The following DPP6 variants were observed in gnomAD, a reference collection of about 807,000 sequenced individuals.
DPP6 encodes the protein A-type potassium channel modulatory protein DPP6.
DPP6 carries 69 observed loss-of-function variants against 122.6 expected under a neutral mutation model. The ratio of observed to expected loss-of-function variants is 0.56; its 90% CI spans 0.46 to 0.69. DPP6 has a LOEUF of 0.69. Ranked by LOEUF, DPP6 falls within the 30% of genes least tolerant of loss-of-function variation. The probability of loss-of-function intolerance (pLI) is 0.00; values close to 1 mark genes in which losing one functional copy is unlikely to be tolerated. For synonymous variants in DPP6, 418 were observed against 433.1 expected, an observed-to-expected ratio of 0.97 and a Z score of 0.43; for missense variants, 928 against 1,116.9, an observed-to-expected ratio of 0.83 and a Z score of 2.41.
the DPP6 span, among the ~76,000 whole-genome samples, chr7:153,755,833 CTT>C: frequency 1.3e-5 from 2 of 152,180 alleles, no homozygotes; most frequent in African/African-American, 4.8e-5. Context: ...CACTCAGTCT[CTT>C]TTTTATTTTC....
At position 154,486,246 on chromosome 7, in the gene DPP6, G is replaced by A. The variant is rs571826094; in HGVS notation, c.457+11209G>A. On this transcript the variant is annotated intron_variant, in intron 3 of 25. Transcript: ENST00000377770. This position sits in a 1 kb window ranked among gnomAD's most constrained non-coding sequence, Gnocchi z 4.5. ...CCTCCCTGATTCAAGCGATTCTTCC[G>A]CTTCAGCCTCCTGAGTAGCTGGGAC... Among the ~76,000 whole-genome samples the A allele has an allele frequency of 9.9e-5, 15 of 151,974 alleles. No individual in the cohort carries two copies. Among genetic ancestry groups the A allele is most frequent in the South Asian group, 8.3e-4 (4 of 4,816 alleles).
intron 1 of DPP6, among the ~76,000 whole-genome samples, chr7:154,284,452 CTGAT>C (rs1351568635): frequency 6.6e-6 from 1 of 152,192 alleles, no homozygotes; most frequent in African/African-American, 2.4e-5. Flanking sequence ...TGTCTATCAA[CTGAT>C]GGATGGATCA....
At chr7:153,998,789 G>C (rs550077872) in intron 1 of DPP6, among the ~76,000 whole-genome samples, 1 of 152,210 alleles carries the variant, frequency 6.6e-6, no homozygotes, top group Non-Finnish European at 1.5e-5. Flanking sequence ...TGTTAGCACT[G>C]TGAAGACATG....
chr7:153,862,855 T>A, the DPP6 span, among the ~76,000 whole-genome samples: 1 of 152,122 alleles, frequency 6.6e-6, no homozygotes, highest in Non-Finnish European at 1.5e-5. Flanking sequence ...CATATAATAC[T>A]ATTTAAAGCA....
At chr7:154,472,412 C>T (rs1822355886) in intron 2 of DPP6, among the ~76,000 whole-genome samples, 1 of 151,722 alleles carries the variant, frequency 6.6e-6, no homozygotes, top group African/African-American at 2.4e-5. Flanking sequence ...TTTCTCTCTC[C>T]TTTATCTTGG....
chr7:154,203,499 C>A (rs1339184409), intron 1 of DPP6, among the ~76,000 whole-genome samples: 2 of 152,194 alleles, frequency 1.3e-5, no homozygotes, highest in African/African-American at 4.8e-5. Flanking sequence ...GGGCTCTGCA[C>A]AGCTGTCACA....
intron 7 of DPP6, among the ~76,000 whole-genome samples, chr7:154,708,904 T>C (rs1840986211): frequency 6.6e-6 from 1 of 151,916 alleles, no homozygotes; most frequent in South Asian, 2.1e-4. Flanking sequence ...AAAAATCAGC[T>C]GGGCATGGTG....
chr7:154,692,346 G>A (rs1198412970), intron 7 of DPP6, among the ~76,000 whole-genome samples: 3 of 152,096 alleles, frequency 2.0e-5, no homozygotes, highest in African/African-American at 7.2e-5. Context: ...CATAATTATT[G>A]GGCAAATCTG....
At chr7:154,009,150 T>C (rs1219077023) in intron 1 of DPP6, among the ~76,000 whole-genome samples, 2 of 73,402 alleles carry the variant, frequency 2.7e-5, no homozygotes, top group African/African-American at 5.7e-5. Flanking sequence ...TTAGTCTTAA[T>C]AGGTTGTGTT....
intron 1 of DPP6, among the ~76,000 whole-genome samples, chr7:154,352,918 T>C (rs1474417431): frequency 3.9e-5 from 6 of 152,274 alleles, no homozygotes; most frequent in African/African-American, 1.2e-4. Context: ...TTTTTACTTA[T>C]TGTTTTAAAA....
intron 1 of DPP6, among the ~76,000 whole-genome samples, chr7:154,201,121 C>T (rs1038973511): frequency 6.6e-6 from 1 of 151,828 alleles, no homozygotes; most frequent in Non-Finnish European, 1.5e-5. Flanking sequence ...AAAGGATTGC[C>T]TTTTTTTGTT....
intron 6 of DPP6, among the ~76,000 whole-genome samples, chr7:154,644,636 A>T (rs1836324241): frequency 6.6e-6 from 1 of 152,062 alleles, no homozygotes; most frequent in Non-Finnish European, 1.5e-5. Flanking sequence ...AAGTTACAGA[A>T]CTAGGATTGT....
intron 1 of DPP6, among the ~76,000 whole-genome samples, chr7:153,893,099 C>T (rs1799274352): frequency 6.6e-6 from 1 of 152,168 alleles, no homozygotes; most frequent in South Asian, 2.1e-4. Context: ...AGGTGATCAG[C>T]ACAGGATGTT....
At position 153,997,037 on chromosome 7, in the gene DPP6, C is replaced by T. The variant is rs1797471698; in HGVS notation, c.51+109303C>T. Among the ~76,000 whole-genome samples the T allele has an allele frequency of 3.3e-5, 5 of 152,198 alleles. No individual in the cohort carries two copies. The South Asian group carries it at 1.0e-3, about 32-fold the overall frequency. On this transcript the variant is annotated intron_variant, in intron 1 of 25. Coordinates refer to the DPP6 transcript ENST00000404039. Reference sequence around the variant, plus strand: ...AAATGGAAAATCTTTATGCCTCTCTCTCTCTCTCTCTCTCCATCCAATGAC... The same window carrying T: ...AAATGGAAAATCTTTATGCCTCTCTTTCTCTCTCTCTCTCCATCCAATGAC...
rs982823256 is a variant in DPP6 at position 154,875,502 on chromosome 7, G to T, written c.1884-404G>T. ...TAGAGTCAGCGCGGCCTTGTCACTT[G>T]TGATGGGTACTGAGAGGTACAGCCT... On this transcript the variant is annotated intron_variant, in intron 19 of 25. Transcript: ENST00000377770. The surrounding 1 kb of genome is among the most constrained non-coding windows in gnomAD (Gnocchi z 4.5). Among the ~76,000 whole-genome samples, 1 of 152,236 alleles carries T rather than the reference G, an allele frequency of 6.6e-6. No individual in the cohort carries two copies. Among genetic ancestry groups the T allele is most frequent in the African/African-American group, 2.4e-5 (1 of 41,466 alleles).
intron 7 of DPP6, among the ~76,000 whole-genome samples, chr7:154,721,603 G>GT (rs1176631861): frequency 3.9e-5 from 6 of 152,174 alleles, no homozygotes; most frequent in African/African-American, 1.4e-4. Context: ...ATTTTTAGCT[G>GT]TGACACCAAA....
chr7:154,060,139 CT>C (rs1334606599), intron 1 of DPP6, among the ~76,000 whole-genome samples: 19 of 145,686 alleles, frequency 1.3e-4, no homozygotes, highest in Admixed American at 1.2e-3. Context: ...TCCACCTTTC[CT>C]CCCCTGGCTC....
intron 1 of DPP6, among the ~76,000 whole-genome samples, chr7:154,406,933 A>G (rs559147747): frequency 1.3e-5 from 2 of 152,276 alleles, no homozygotes; most frequent in African/African-American, 2.4e-5. Flanking sequence ...GGATGCATCA[A>G]TGCACTCCTA....
the DPP6 span, among the ~76,000 whole-genome samples, chr7:153,807,135 G>T: frequency 1.3e-5 from 2 of 151,860 alleles, no homozygotes; most frequent in African/African-American, 2.4e-5. Flanking sequence ...GCCTTAGGCT[G>T]GGTGCAGTGG....
Sources: gnomAD v4.1 joint callset for allele counts (sites outside exome capture counted in the v4.1 genomes callset) on GRCh38, gnomAD v4.1.1 for gene constraint, Gnocchi (gnomAD v3.1) non-coding constraint, MANE v1.5 for transcripts, NCBI Gene and HGNC (gene_info 2026-07-23, HGNC 2026-07-21) for gene names.